The following CSTPP1 variants were observed in gnomAD, a reference collection of about 807,000 sequenced individuals.
The protein encoded by CSTPP1 is UPF0705 protein C11orf49.
the CSTPP1 span, among the ~76,000 whole-genome samples, chr11:46,947,376 AT>A: frequency 6.6e-6 from 1 of 152,220 alleles, no homozygotes; most frequent in South Asian, 2.1e-4. Flanking sequence ...GTCAAAACAC[AT>A]TTATCTGAGC....
chr11:47,153,439 C>G, the CSTPP1 span, among the ~76,000 whole-genome samples: 1 of 152,100 alleles, frequency 6.6e-6, no homozygotes, highest in Non-Finnish European at 1.5e-5. Context: ...GCCACAGAAA[C>G]TAGGAGGTAA....
the CSTPP1 span, among the ~76,000 whole-genome samples, chr11:46,946,630 C>T: frequency 6.6e-6 from 1 of 152,184 alleles, no homozygotes; most frequent in South Asian, 2.1e-4. Context: ...GGCACTCCAG[C>T]CTGGGCGACA....
chr11:47,083,307 A>G, the CSTPP1 span, among the ~76,000 whole-genome samples: 2 of 152,176 alleles, frequency 1.3e-5, no homozygotes, highest in African/African-American at 4.8e-5. Flanking sequence ...TGGCCAAATA[A>G]TATTCCATTG....
chr11:47,016,197 A>G, the CSTPP1 span, among the ~76,000 whole-genome samples: 15 of 152,314 alleles, frequency 9.8e-5, no homozygotes, highest in South Asian at 2.7e-3. Flanking sequence ...CGAAAAACCT[A>G]TCAAACTTAA....
At chr11:47,017,555 C>G in the CSTPP1 span, among the ~76,000 whole-genome samples, 1 of 152,196 alleles carries the variant, frequency 6.6e-6, no homozygotes, top group Non-Finnish European at 1.5e-5. Flanking sequence ...TTTATAATCA[C>G]ACCCTCTTCT....
At chr11:46,978,564 C>CT in the CSTPP1 span, among the ~76,000 whole-genome samples, 1 of 152,216 alleles carries the variant, frequency 6.6e-6, no homozygotes, top group African/African-American at 2.4e-5. Context: ...TCTGTCTAGT[C>CT]TATGTTGTTC....
At chr11:47,058,699 C>G in the CSTPP1 span, among the ~76,000 whole-genome samples, 3 of 152,134 alleles carry the variant, frequency 2.0e-5, no homozygotes, top group Middle Eastern at 3.2e-3. Flanking sequence ...GCTATTATTT[C>G]CTTTGCATAG....
the CSTPP1 span, among the ~76,000 whole-genome samples, chr11:47,095,651 A>C: frequency 1.2e-4 from 18 of 152,290 alleles, no homozygotes; most frequent in African/African-American, 4.3e-4. Context: ...CATATACAAA[A>C]TTCCCATATC....
chr11:47,046,273 C>A, the CSTPP1 span, among the ~76,000 whole-genome samples: 93 of 148,158 alleles, frequency 6.3e-4, 2 homozygotes, highest in South Asian at 0.019. Context: ...CCTAAAGAAT[C>A]CACCAAAAGA....
the CSTPP1 span, among the ~76,000 whole-genome samples, chr11:46,951,664 T>G: frequency 6.6e-6 from 1 of 152,158 alleles, no homozygotes; most frequent in Non-Finnish European, 1.5e-5. Context: ...ATTTATTATA[T>G]TGTGCTATAA....
the CSTPP1 span, among the ~76,000 whole-genome samples, chr11:47,105,927 G>C: frequency 6.6e-6 from 1 of 152,232 alleles, no homozygotes; most frequent in Non-Finnish European, 1.5e-5. Context: ...TTAAGTCAAA[G>C]TGCCTCTTTG....
At chr11:47,086,341 G>A in the CSTPP1 span, among the ~76,000 whole-genome samples, 3 of 151,772 alleles carry the variant, frequency 2.0e-5, no homozygotes, top group Admixed American at 6.6e-5. Context: ...GGGAGGCAGC[G>A]GTTACAGAGA....
At chr11:47,097,709 GCC>G in the CSTPP1 span, among the ~76,000 whole-genome samples, 1 of 84,518 alleles carries the variant, frequency 1.2e-5, no homozygotes, top group Non-Finnish European at 2.7e-5. Context: ...TGCCTGGCCA[GCC>G]GCCCCGTCCG....
At chr11:47,163,941 C>T in the CSTPP1 span, 9 of 867,758 alleles carry the variant, frequency 1.0e-5, no homozygotes, top group East Asian at 1.4e-4. Flanking sequence ...CCACTGTACC[C>T]GGCGTTAAAT....
At chr11:47,037,799 C>A in the CSTPP1 span, among the ~76,000 whole-genome samples, 1 of 127,710 alleles carries the variant, frequency 7.8e-6, no homozygotes, top group Non-Finnish European at 1.9e-5. Flanking sequence ...TCTACACAGA[C>A]ACGGCAACCA....
the CSTPP1 span, among the ~76,000 whole-genome samples, chr11:46,996,618 C>T: frequency 2.0e-5 from 3 of 152,140 alleles, no homozygotes; most frequent in Non-Finnish European, 2.9e-5. Flanking sequence ...ATGATGTTAG[C>T]TGATTATTTT....
chr11:46,954,838 T>G, the CSTPP1 span, among the ~76,000 whole-genome samples: 10 of 151,848 alleles, frequency 6.6e-5, no homozygotes, highest in African/African-American at 2.4e-4. Context: ...AGTCTTTATT[T>G]ATTCATTGTA....
the CSTPP1 span, among the ~76,000 whole-genome samples, chr11:47,101,821 C>T: frequency 6.6e-6 from 1 of 152,064 alleles, no homozygotes; most frequent in Non-Finnish European, 1.5e-5. Flanking sequence ...CTTAGAGGTC[C>T]GTGATCCTAG....
the CSTPP1 span, among the ~76,000 whole-genome samples, chr11:46,942,945 C>G: frequency 3.3e-5 from 5 of 152,114 alleles, no homozygotes; most frequent in African/African-American, 1.2e-4. Context: ...CAAAAAACCC[C>G]TATTGGTTCA....
Sources: allele counts gnomAD v4.1 joint callset (sites outside exome capture counted in the v4.1 genomes callset), GRCh38; gene constraint gnomAD v4.1.1; transcripts MANE v1.5; gene names NCBI Gene and HGNC (gene_info 2026-07-23, HGNC 2026-07-21).